The following SYNE3 variants were observed in gnomAD, a reference collection of about 807,000 sequenced individuals.
SYNE3 encodes spectrin repeat containing nuclear envelope family member 3, also known as nesprin-3.
A neutral mutation model predicts 111.2 loss-of-function variants in SYNE3; 100 were observed. The ratio of observed to expected loss-of-function variants is 0.90; its 90% CI spans 0.77 to 1.06. SYNE3 has a LOEUF of 1.06. Among genes scored for constraint, SYNE3 ranks in the 50% least tolerant of loss-of-function variants. SYNE3 has a pLI of 0.00. For synonymous variants in SYNE3, 547 were observed against 533.9 expected (o/e 1.02, Z -0.34); for missense variants, 1,160 against 1,240.3 (o/e 0.94, Z 0.97).
Position 95,455,646 on chromosome 14 carries a change from T to G in SYNE3, c.868A>C (p.Thr290Pro), listed in dbSNP as rs746889351. The part of the protein sequence containing the change: ...EEQSAGVIRN[T>P]SPLGAEKITG... ...ATCTTCTCTGCACCCAAAGGAGAGG[T>G]GTTCCGAATGACACCCGCAGACTGC... Residue 290 changes from threonine to proline, a missense_variant, in exon 6 of 18, where the codon ACC becomes CCC. By Grantham distance (38) the Thr-to-Pro change is conservative (BLOSUM62 -1). Coordinates refer to ENST00000682763, the MANE Select transcript of SYNE3 (RefSeq NM_152592.6). The G allele has an allele frequency of 1.9e-6, 3 of 1,614,110 alleles. No individual in the cohort carries two copies. In the Admixed American group the frequency reaches 5.0e-5, roughly 27 times the overall value.
chr14:95,441,209 C>G (rs111285077), intron 11 of SYNE3, among the ~76,000 whole-genome samples: 2 of 152,198 alleles, frequency 1.3e-5, no homozygotes, highest in Non-Finnish European at 2.9e-5. Flanking sequence ...TGACTGAGAT[C>G]GCTGGATACC....
chr14:95,463,168 A>G (rs1378793474), intron 4 of SYNE3, among the ~76,000 whole-genome samples: 1 of 152,184 alleles, frequency 6.6e-6, no homozygotes, highest in Non-Finnish European at 1.5e-5. Flanking sequence ...AAATAAAAAA[A>G]AGAGTCCAAT....
chr14:95,437,140 C>T lies in SYNE3; in HGVS notation c.2377-159G>A, dbSNP rs144719514. 1.9e-3 allele frequency among the ~76,000 whole-genome samples: 283 copies of T among 152,308 alleles called. 1 individual carries two copies. The highest frequency in any genetic ancestry group is 6.3e-3 in the African/African-American group (263 of 41,560). On this transcript the variant is annotated intron_variant, in intron 14 of 17. Coordinates refer to ENST00000682763, the MANE Select transcript of SYNE3 (RefSeq NM_152592.6). ...GGATGAACAATGAATCTCTACTCAACATGGTCACATTTAAGGGCCAAGAAC... is the reference window on the plus strand; with the variant it reads ...GGATGAACAATGAATCTCTACTCAATATGGTCACATTTAAGGGCCAAGAAC...
At chr14:95,441,753 T>C (rs1209841381) in intron 11 of SYNE3, among the ~76,000 whole-genome samples, 4 of 152,218 alleles carry the variant, frequency 2.6e-5, no homozygotes, top group African/African-American at 9.6e-5. Flanking sequence ...TTATTGAATG[T>C]AATTAAATGA....
intron 1 of SYNE3, among the ~76,000 whole-genome samples, chr14:95,514,645 G>A (rs531185311): frequency 1.3e-5 from 2 of 152,370 alleles, no homozygotes; most frequent in South Asian, 2.1e-4. Context: ...GGGGAAGGAC[G>A]CTGAAGCTCT....
chr14:95,492,266 C>T (rs1005850933), intron 1 of SYNE3, among the ~76,000 whole-genome samples: 2 of 152,222 alleles, frequency 1.3e-5, no homozygotes, highest in African/African-American at 4.8e-5. Flanking sequence ...AGCAATTCTA[C>T]TCTTACATAT....
At chr14:95,462,768 C>T (rs921793145) in intron 4 of SYNE3, among the ~76,000 whole-genome samples, 4 of 152,248 alleles carry the variant, frequency 2.6e-5, no homozygotes, top group Admixed American at 2.0e-4. Context: ...ACCTGAGTCG[C>T]AGCTGCAGGG....
chr14:95,415,267 C>T lies in SYNE3; in HGVS notation c.*2559G>A, dbSNP rs1221295753. 7.1e-6 allele frequency: 1 copy of T among 140,160 alleles called. No homozygotes were observed. The highest frequency in any genetic ancestry group is 1.5e-5 in the Non-Finnish European group (1 of 65,380). The allele number at this position is 140,160 out of a possible 1,614,324, so 8.7% of individuals were successfully genotyped here. On this transcript the variant is annotated 3_prime_UTR_variant, in exon 18 of 18. Coordinates refer to ENST00000682763, the MANE Select transcript of SYNE3 (RefSeq NM_152592.6). Reference sequence around the variant, plus strand: ...CACCTGTGACATAGGAAAGTGGACACCTGGCAAGGCCCCCCCACCCACCCA... The same window carrying T: ...CACCTGTGACATAGGAAAGTGGACATCTGGCAAGGCCCCCCCACCCACCCA...
intron 17 of SYNE3, among the ~76,000 whole-genome samples, chr14:95,430,989 T>C (rs981421062): frequency 1.3e-5 from 2 of 152,252 alleles, no homozygotes; most frequent in African/African-American, 4.8e-5. Context: ...CTATAGATGT[T>C]ACTTATGACA....
At chr14:95,419,003 T>C (rs1884919865) in intron 17 of SYNE3, among the ~76,000 whole-genome samples, 2 of 152,208 alleles carry the variant, frequency 1.3e-5, no homozygotes, top group African/African-American at 4.8e-5. Context: ...TTGCCATCAG[T>C]ATCACATGAA....
rs770975616 is a variant in SYNE3, at chr14:95,455,393, T to C, written c.1121A>G (p.His374Arg). ...KAGTEDELVA[H>R]WRRYSATRAA... ...CACGCTTACCGAGTAGCGTCTCCAG[T>C]GTGCCACCAGCTCGTCCTCGGTCCC... is the stretch of plus-strand genomic sequence containing the variant. Residue 374 changes from histidine to arginine, a missense_variant, in exon 6 of 18, where the codon CAC (histidine) becomes CGC (arginine). By Grantham distance (29) the His-to-Arg change is conservative (BLOSUM62 0). Transcript: ENST00000682763. The C allele has an allele frequency of 1.8e-5, 28 of 1,546,462 alleles. No homozygotes were observed. Among genetic ancestry groups the C allele is most frequent in the East Asian group, 4.5e-5 (2 of 44,236 alleles).
At chr14:95,433,965 G>A (rs1197379920) in intron 15 of SYNE3, among the ~76,000 whole-genome samples, 1 of 152,096 alleles carries the variant, frequency 6.6e-6, no homozygotes, top group Non-Finnish European at 1.5e-5. Context: ...TGTAATATGG[G>A]ACACCTTGCT....
intron 17 of SYNE3, among the ~76,000 whole-genome samples, chr14:95,426,771 C>T (rs1174457012): frequency 6.6e-6 from 1 of 151,522 alleles, no homozygotes; most frequent in African/African-American, 2.4e-5. Context: ...GAAACCACGT[C>T]TCTACTAAAA....
chr14:95,429,708 G>A (rs752217786), intron 17 of SYNE3, among the ~76,000 whole-genome samples: 4 of 152,030 alleles, frequency 2.6e-5, no homozygotes, highest in Non-Finnish European at 5.9e-5. Flanking sequence ...AGTCATTTAG[G>A]GCTTTCCGTC....
At chr14:95,465,696 G>A (rs1888119718) in intron 4 of SYNE3, among the ~76,000 whole-genome samples, 1 of 152,142 alleles carries the variant, frequency 6.6e-6, no homozygotes, top group Non-Finnish European at 1.5e-5. Context: ...TGTGTGGGTG[G>A]ATAGTGAAGG....
At chr14:95,483,146 G>A (rs747828430) in intron 1 of SYNE3, among the ~76,000 whole-genome samples, 9 of 152,062 alleles carry the variant, frequency 5.9e-5, no homozygotes, top group South Asian at 4.2e-4. Flanking sequence ...CACTGTGCCC[G>A]CTCACTCCAG....
At chr14:95,468,561 GTGAC>G (rs935889215) in intron 2 of SYNE3, among the ~76,000 whole-genome samples, 9 of 152,098 alleles carry the variant, frequency 5.9e-5, no homozygotes, top group African/African-American at 2.2e-4. Context: ...TGCTGAGTGA[GTGAC>G]TGTAACTCAC....
chr14:95,438,028 C>A (rs1325286885), intron 14 of SYNE3: 1 of 152,148 alleles, frequency 6.6e-6, no homozygotes, highest in Admixed American at 6.5e-5. Context: ...TGGGCCCTAG[C>A]CAGATCTACT....
In SYNE3 at chr14:95,477,302, G is replaced by C. The variant is rs1030561529; in HGVS notation, c.-14-1467C>G. Among the ~76,000 whole-genome samples the C allele has an allele frequency of 4.6e-5, 7 of 152,312 alleles. No homozygotes were observed. The East Asian group carries it at 1.4e-3, about 29-fold the overall frequency. On this transcript the variant is annotated intron_variant, in intron 1 of 17. Coordinates refer to ENST00000682763, the MANE Select transcript of SYNE3 (RefSeq NM_152592.6). ...GGCCTGGCTTTTAAGCACATTCCAT[G>C]GGAACCTCAGGCCTCTCTCTCCCTG...
Sources: gnomAD v4.1 joint callset for allele counts (sites outside exome capture counted in the v4.1 genomes callset) on GRCh38, gnomAD v4.1.1 for gene constraint, MANE v1.5 for transcripts, NCBI Gene and HGNC (gene_info 2026-07-23, HGNC 2026-07-21) for gene names.